The following SYK variants were observed in gnomAD, a reference collection of about 807,000 sequenced individuals.
The protein encoded by SYK is tyrosine-protein kinase SYK.
Under a neutral mutation model 77.8 loss-of-function variants are expected in SYK, and 16 were observed. That is an observed-to-expected ratio of 0.21 (90% CI 0.14 to 0.31). The LOEUF (loss-of-function observed/expected upper bound fraction) is 0.31, where lower values mean the gene tolerates loss of function less well. Ranked by LOEUF, SYK falls within the 10% of genes least tolerant of loss-of-function variation. SYK has a pLI of 1.00. For missense variants in SYK, 529 were observed against 814.4 expected (o/e 0.65, Z 4.26); for synonymous variants, 312 against 308.7 (o/e 1.01, Z -0.11).
chr9:90,878,669 A>G, intron 10 of SYK, 95 bp from the exon 11 acceptor site: 2 of 1,004,480 alleles, frequency 2.0e-6, no homozygotes, highest in South Asian at 3.2e-5. Flanking sequence ...AGAGGGAAGG[A>G]GTAGATTCAC....
intron 1 of SYK, among the ~76,000 whole-genome samples, chr9:90,817,844 GTTGTGTGTGTGTGTGT>G (rs1465943484): frequency 2.7e-5 from 2 of 74,104 alleles, no homozygotes; most frequent in East Asian, 1.5e-3. Flanking sequence ...TCTCAATAAT[GTTGTGTGTGTGTGTGT>G]GTGTGTGTGT....
chr9:90,879,715 A>G (rs1828075151), intron 11 of SYK, among the ~76,000 whole-genome samples: 2 of 152,256 alleles, frequency 1.3e-5, no homozygotes, highest in Admixed American at 1.3e-4. Context: ...GACTGAAGCT[A>G]AAAGAAATAT....
At chr9:90,882,253 T>C (rs1828185916) in intron 11 of SYK, among the ~76,000 whole-genome samples, 1 of 152,232 alleles carries the variant, frequency 6.6e-6, no homozygotes, top group Non-Finnish European at 1.5e-5. Flanking sequence ...GTTCATGACT[T>C]GTAAGATCAA....
intron 12 of SYK, among the ~76,000 whole-genome samples, chr9:90,888,248 G>A (rs187617603): frequency 1.2e-3 from 189 of 152,266 alleles, no homozygotes; most frequent in African/African-American, 4.3e-3. Flanking sequence ...ATGCAGTACA[G>A]TGGTTTTCCA....
intron 1 of SYK, among the ~76,000 whole-genome samples, chr9:90,820,951 A>C (rs918160790): frequency 1.3e-5 from 2 of 151,894 alleles, no homozygotes; most frequent in Non-Finnish European, 2.9e-5. Flanking sequence ...CTTCTGCCAG[A>C]TACCCTAAAT....
chr9:90,844,882 A>G (rs1290292968), intron 2 of SYK, among the ~76,000 whole-genome samples: 1 of 152,218 alleles, frequency 6.6e-6, no homozygotes, highest in Non-Finnish European at 1.5e-5. Context: ...CGTCTGCAGG[A>G]TAAACTTTGA....
At chr9:90,805,633 C>G (rs1385374996) in intron 1 of SYK, among the ~76,000 whole-genome samples, 1 of 152,210 alleles carries the variant, frequency 6.6e-6, no homozygotes, top group African/African-American at 2.4e-5. Context: ...TTTCATTTCT[C>G]CCCTCCATTG....
intron 7 of SYK, among the ~76,000 whole-genome samples, chr9:90,871,528 G>A (rs1827725992): frequency 6.6e-6 from 1 of 152,070 alleles, no homozygotes; most frequent in African/African-American, 2.4e-5. Context: ...CTTTTTAACT[G>A]AGCATTTTCT....
intron 7 of SYK, among the ~76,000 whole-genome samples, chr9:90,873,066 G>A (rs538417931): frequency 6.6e-6 from 1 of 152,338 alleles, no homozygotes; most frequent in South Asian, 2.1e-4. Context: ...AGCAGACCGT[G>A]TGAAAGAAGA....
rs746979231 is a variant in SYK, at chr9:90,862,323, G to A, written c.696G>A (p.Lys232=). 21 of 1,613,994 alleles carry A rather than the reference G, an allele frequency of 1.3e-5. No homozygotes were observed. In the Middle Eastern group the frequency reaches 6.6e-4, roughly 51 times the overall value. The change falls in exon 4 of 14, where the codon AAG becomes AAA. Residue 232 remains lysine, a synonymous_variant. Coordinates refer to ENST00000375754, the MANE Select transcript of SYK (RefSeq NM_003177.7). The part of the protein sequence containing the change: ...KTGKLSIPEG[K]KFDTLWQLVE... ...GGAAGCTCTCCATCCCCGAGGGAAA[G>A]AAGTTCGACACGCTCTGGCAGGTAC...
chr9:90,823,998 A>T (rs1008523439), intron 1 of SYK, among the ~76,000 whole-genome samples: 8 of 152,030 alleles, frequency 5.3e-5, no homozygotes, highest in Non-Finnish European at 7.4e-5. Flanking sequence ...ATAAACCTTT[A>T]ACCAAGAAAA....
At position 90,843,918 on chromosome 9, in the gene SYK, C is replaced by T. The variant is rs756007618; in HGVS notation, c.20C>T (p.Ala7Val). 2.6e-6 allele frequency: 4 copies of T among 1,546,568 alleles called. No homozygotes were observed. The highest frequency in any genetic ancestry group is 2.5e-5 in the South Asian group (2 of 79,644). ...TGAAGCATGGCCAGCAGCGGCATGG[C>T]TGACAGCGCCAACCACCTGCCCTTC... MASSGM[A>V]DSANHLPFFF... Residue 7 changes from alanine to valine, a missense_variant, in exon 2 of 14, where the codon GCT becomes GTT. Ala to Val is a moderately conservative substitution (Grantham distance 64, BLOSUM62 0). Transcript: ENST00000375754.
At chr9:90,891,794 G>C (rs760343568) in intron 13 of SYK, among the ~76,000 whole-genome samples, 9 of 152,186 alleles carry the variant, frequency 5.9e-5, no homozygotes, top group Non-Finnish European at 1.0e-4. Context: ...GCCAAGGGCT[G>C]GTCCTGGTAA....
At position 90,888,564 on chromosome 9, in the gene SYK, TG is replaced by T; in HGVS notation, c.1776del (p.Cys593AlafsTer13). 1 of 1,612,810 alleles carries T rather than the reference TG, an allele frequency of 6.2e-7. No homozygotes were observed. Among genetic ancestry groups the T allele is most frequent in the South Asian group, 1.1e-5 (1 of 90,664 alleles). On this transcript the variant is annotated frameshift_variant, in exon 13 of 14. Coordinates refer to ENST00000375754, the MANE Select transcript of SYK (RefSeq NM_003177.7). LOFTEE classifies it high-confidence loss of function. Reference sequence around the variant, plus strand: ...GCTATGTTAGAGAAAGGAGAGCGGATGGGGTGCCCTGCAGGGTGTCCAAGAG... The same window carrying T: ...GCTATGTTAGAGAAAGGAGAGCGGATGGGTGCCCTGCAGGGTGTCCAAGAG... Reference protein sequence around the residue: ...VTAMLEKGERMGCPAGCPREM... With the variant: ...VTAMLEKGERXGCPAGCPREM...
chr9:90,819,494 G>A (rs1432887997), intron 1 of SYK, among the ~76,000 whole-genome samples: 4 of 152,182 alleles, frequency 2.6e-5, no homozygotes, highest in Non-Finnish European at 2.9e-5. Flanking sequence ...GGAGGTGAAA[G>A]GCACTTCTTA....
intron 1 of SYK, among the ~76,000 whole-genome samples, chr9:90,842,754 AGAGAGTGTGTGTGTGTGT>A (rs1163313362): frequency 1.6e-5 from 1 of 63,786 alleles, no homozygotes; most frequent in Non-Finnish European, 3.3e-5. Flanking sequence ...TGTGGTATGG[AGAGAGTGTGTGTGTGTGT>A]GTGTGTGTGT....
chr9:90,835,382 C>T (rs1413231592), intron 1 of SYK, among the ~76,000 whole-genome samples: 4 of 152,150 alleles, frequency 2.6e-5, no homozygotes, highest in Admixed American at 1.3e-4. Context: ...ATCTTGGCAG[C>T]GTCACTGGGG....
intron 7 of SYK, among the ~76,000 whole-genome samples, chr9:90,870,477 G>A (rs1291985663): frequency 6.6e-6 from 1 of 152,136 alleles, no homozygotes; most frequent in South Asian, 2.1e-4. Context: ...TAAGTACAGG[G>A]CTCAGTGGGA....
At chr9:90,884,075 T>C (rs1564119610) in intron 11 of SYK, among the ~76,000 whole-genome samples, 1 of 151,840 alleles carries the variant, frequency 6.6e-6, no homozygotes, top group Non-Finnish European at 1.5e-5. Flanking sequence ...TTTATGGCCA[T>C]AGAAATTATA....
Sources: allele counts gnomAD v4.1 joint callset (sites outside exome capture counted in the v4.1 genomes callset), GRCh38; gene constraint gnomAD v4.1.1; transcripts MANE v1.5; gene names NCBI Gene and HGNC (gene_info 2026-07-23, HGNC 2026-07-21).